The following TPR variants were observed in gnomAD, a reference collection of about 807,000 sequenced individuals.
The protein encoded by TPR is nucleoprotein TPR.
TPR carries 51 observed loss-of-function variants against 316.1 expected under a neutral mutation model. The observed-to-expected ratio is 0.16, with a 90% CI of 0.13 to 0.20. The LOEUF is 0.20. Among genes scored for constraint, TPR ranks in the 10% least tolerant of loss-of-function variants. The probability of loss-of-function intolerance (pLI) is 1.00; values close to 1 mark genes in which losing one functional copy is unlikely to be tolerated. For missense variants in TPR, 2,272 were observed against 2,754.8 expected, an observed-to-expected ratio of 0.82 and a Z score of 3.92; for synonymous variants, 981 against 914.7, an observed-to-expected ratio of 1.07 and a Z score of -1.31.
At position 186,375,111 on chromosome 1, in the gene TPR, G is replaced by A. The variant is rs756867587; in HGVS notation, c.-83C>T. The A allele has an allele frequency of 1.3e-6, 2 of 1,570,572 alleles. No homozygotes were observed. Among genetic ancestry groups the A allele is most frequent in the Non-Finnish European group, 1.7e-6 (2 of 1,158,990 alleles). ...AGGCGAAGACCAGCAGGACCCAGACGCCTGGGCCGCCGCCTCTATCACCTC... is the reference window on the plus strand; with the variant it reads ...AGGCGAAGACCAGCAGGACCCAGACACCTGGGCCGCCGCCTCTATCACCTC... On this transcript the variant is annotated 5_prime_UTR_variant, in exon 1 of 51. Transcript: ENST00000367478.
intron 9 of TPR, 54 bp downstream of exon 9, chr1:186,361,568 A>AG (rs36117514): frequency 0.27 from 425,056 of 1,560,940 alleles, 62,217 homozygotes; most frequent in East Asian, 0.54. Flanking sequence ...AAGGGTAAAA[A>AG]AAAAAAAAGA....
intron 2 of TPR, 116 bp downstream of exon 2, chr1:186,373,243 A>G (rs1227447438): frequency 1.6e-6 from 1 of 621,580 alleles, no homozygotes; most frequent in Non-Finnish European, 2.6e-6. Context: ...ATAAAAACCA[A>G]TGATGCTTAA....
At position 186,318,443 on chromosome 1, in the gene TPR, T is replaced by C; in HGVS notation, c.6821+4A>G. 2 of 1,607,476 alleles carry C rather than the reference T, an allele frequency of 1.2e-6. No homozygotes were observed. The highest frequency in any genetic ancestry group is 1.7e-6 in the Non-Finnish European group (2 of 1,177,828). ...CAAGCAAAAACAACAAAATAAACTT[T>C]TACCCTTCAGATTCTGCCTCCACAA... On this transcript the variant is annotated splice_donor_region_variant and intron_variant, in intron 48 of 50. Coordinates refer to ENST00000367478, the MANE Select transcript of TPR (RefSeq NM_003292.3).
At chr1:186,354,872 A>G (rs1397842552) in intron 17 of TPR, among the ~76,000 whole-genome samples, 1 of 151,380 alleles carries the variant, frequency 6.6e-6, no homozygotes. Context: ...TAAACTACCA[A>G]CATTCCTCAC....
chr1:186,373,446 T>G lies in TPR; in HGVS notation c.169A>C (p.Ile57Leu). The change falls in exon 2 of 51, where the codon ATA becomes CTA. Residue 57 changes from isoleucine to leucine, a missense_variant. Around this residue, in one of 10 missense-constraint regions of TPR, gnomAD observed 549 missense variants for 598.6 expected, o/e 0.92. Transcript: ENST00000367478. ...TGACTGTGGGACAACCTCTTTTCTA[T>G]TTCAAAATACTGTTGTTCTACAGCA... Reference protein sequence around the residue: ...KVESEQQYFEIEKRLSHSQER... With the variant: ...KVESEQQYFELEKRLSHSQER... 1.9e-6 allele frequency: 3 copies of G among 1,612,834 alleles called. No homozygotes were observed. The highest frequency in any genetic ancestry group is 2.5e-6 in the Non-Finnish European group (3 of 1,179,412).
chr1:186,319,736 G>C (rs1421812815), intron 46 of TPR, among the ~76,000 whole-genome samples: 4 of 152,122 alleles, frequency 2.6e-5, no homozygotes, highest in Non-Finnish European at 5.9e-5. Flanking sequence ...GAAATAAAGA[G>C]GGTAATATGA....
At chr1:186,359,206 T>A (rs1659112203) in intron 12 of TPR, among the ~76,000 whole-genome samples, 1 of 152,166 alleles carries the variant, frequency 6.6e-6, no homozygotes, top group Non-Finnish European at 1.5e-5. Context: ...CCCTCAGTAA[T>A]GTTAATAGTT....
At chr1:186,366,182 T>C (rs1025588390) in intron 4 of TPR, among the ~76,000 whole-genome samples, 9 of 152,176 alleles carry the variant, frequency 5.9e-5, no homozygotes, top group African/African-American at 9.7e-5. Flanking sequence ...TAAAGTTACA[T>C]TGAGTGTGCC....
At chr1:186,318,933 TAC>T in intron 46 of TPR, 105 bp from the exon 47 acceptor site, 1 of 1,033,328 alleles carries the variant, frequency 9.7e-7, no homozygotes, top group Non-Finnish European at 1.4e-6. Flanking sequence ...TATACAACTT[TAC>T]TAAAGTCCAC....
intron 15 of TPR, 132 bp downstream of exon 15, chr1:186,356,154 G>C: frequency 1.3e-6 from 1 of 749,292 alleles, no homozygotes; most frequent in South Asian, 2.5e-5. Flanking sequence ...TTGATGGGAT[G>C]TTATAAGCAA....
intron 50 of TPR, 149 bp from the exon 51 acceptor site, chr1:186,314,175 A>C: frequency 3.1e-6 from 2 of 644,108 alleles, no homozygotes; most frequent in East Asian, 5.6e-5. Flanking sequence ...AATTATTACA[A>C]GCAGATTAAT....
chr1:186,373,457 T>A lies in TPR; in HGVS notation c.158A>T (p.Gln53Leu). The A allele has an allele frequency of 1.2e-6, 2 of 1,611,688 alleles. No homozygotes were observed. The highest frequency in any genetic ancestry group is 1.7e-6 in the Non-Finnish European group (2 of 1,178,654). ...HEKFKVESEQ[Q>L]YFEIEKRLSH... The stretch of plus-strand genomic sequence containing the variant: ...CAACCTCTTTTCTATTTCAAAATAC[T>A]GTTGTTCTACAGCAGACAAGCAAAA... Residue 53 changes from glutamine to leucine, a missense_variant, in exon 2 of 51, where the codon CAG (glutamine) becomes CTG (leucine). Gln to Leu is a moderately radical substitution (Grantham distance 113). This residue lies in a region of TPR where 549 missense variants were observed against 598.6 expected (regional missense o/e 0.92). Transcript: ENST00000367478.
intron 27 of TPR, chr1:186,342,635 A>C (rs987498377): frequency 6.6e-6 from 1 of 151,830 alleles, no homozygotes; most frequent in Admixed American, 6.5e-5. Context: ...TTTCTTCTTA[A>C]CAGTCATTTT....
At chr1:186,350,410 T>G (rs990859349) in intron 20 of TPR, 22 bp from the exon 21 acceptor site, 1 of 1,515,762 alleles carries the variant, frequency 6.6e-7, no homozygotes, top group Non-Finnish European at 8.9e-7. Flanking sequence ...ATTAATCTTA[T>G]AACATTCTTT....
At chr1:186,373,640 A>C (rs1659598909) in intron 1 of TPR, among the ~76,000 whole-genome samples, 177 bp from the exon 2 acceptor site, 1 of 152,216 alleles carries the variant, frequency 6.6e-6, no homozygotes, top group African/African-American at 2.4e-5. Flanking sequence ...AAAGGACTTA[A>C]AGCATTTCCA....
chr1:186,350,437 A>G (rs1461894937), intron 20 of TPR, 49 bp from the exon 21 acceptor site: 4 of 1,367,196 alleles, frequency 2.9e-6, no homozygotes, highest in Middle Eastern at 2.5e-4. Context: ...CTAAGTAACT[A>G]AAGGTTCAAA....
chr1:186,318,403 C>G, intron 48 of TPR, 44 bp downstream of exon 48: 1 of 1,575,024 alleles, frequency 6.3e-7, no homozygotes, highest in Non-Finnish European at 8.6e-7. Flanking sequence ...ATGTACAAGT[C>G]TGTTGAGACT....
At position 186,375,017 on chromosome 1, in the gene TPR, C is replaced by A; in HGVS notation, c.12G>T (p.Val4=). The A allele has an allele frequency of 6.2e-7, 1 of 1,613,880 alleles. No homozygotes were observed. Among genetic ancestry groups the A allele is most frequent in the Non-Finnish European group, 8.5e-7 (1 of 1,179,978 alleles). ...CCGTGCGCTCCAGGACTTGCTGCAA[C>A]ACCGCCGCCATGTCGGTGGGGCCAG... MAA[V]LQQVLERTEL... Residue 4 remains valine, a synonymous_variant, in exon 1 of 51, where the codon GTG becomes GTT. Transcript: ENST00000367478.
rs558174739 is a variant in TPR, at chr1:186,343,972, T to C, written c.3536A>G (p.Gln1179Arg). ...ACTGAGAGATACATTCAGTGGACCT[T>C]GTACACCTTCCTTCACAGAGGCAAC... ...KVVASVKEGV[Q>R]GPLNVSLSEE... The change falls in exon 26 of 51, where the codon CAA becomes CGA. Residue 1179 changes from glutamine (Q) to arginine (R), a missense_variant. Physicochemically the swap from Gln to Arg is conservative, Grantham distance 43 (BLOSUM62 1). This residue lies in a region of TPR where 757 missense variants were observed against 859.8 expected (regional missense o/e 0.88). Transcript: ENST00000367478. 30 of 1,614,204 alleles carry C rather than the reference T, an allele frequency of 1.9e-5. No homozygotes were observed. In the South Asian group the frequency reaches 3.1e-4, roughly 17 times the overall value.
Sources: gnomAD v4.1 joint callset for allele counts (sites outside exome capture counted in the v4.1 genomes callset) on GRCh38, gnomAD v4.1.1 for gene constraint, gnomAD v4.1.1 regional missense constraint, MANE v1.5 for transcripts, NCBI Gene and HGNC (gene_info 2026-07-23, HGNC 2026-07-21) for gene names.